Variants in SGIP1 observed in about 807,000 individuals in gnomAD.
SGIP1 encodes SH3GL interacting endocytic adaptor 1.
Under a neutral mutation model 107.5 loss-of-function variants are expected in SGIP1, and 38 were observed. The observed-to-expected ratio is 0.35, with a 90% CI of 0.27 to 0.46. The LOEUF is 0.46. Ranked by LOEUF, SGIP1 falls within the 20% of genes least tolerant of loss-of-function variation. SGIP1 has a pLI of 1.00. For synonymous variants in SGIP1, 365 were observed against 366.1 expected, an observed-to-expected ratio of 1.00 and a Z score of 0.03; for missense variants, 929 against 1,019.5, an observed-to-expected ratio of 0.91 and a Z score of 1.21.
At chr1:66,619,688 C>G (rs990955147) in intron 1 of SGIP1, among the ~76,000 whole-genome samples, 2 of 152,216 alleles carry the variant, frequency 1.3e-5, no homozygotes, top group Admixed American at 1.3e-4. Context: ...TGGCAGGACT[C>G]TCCACTTACA....
chr1:66,695,218 C>G (rs2090639728), intron 17 of SGIP1: 2 of 900,266 alleles, frequency 2.2e-6, no homozygotes, highest in African/African-American at 3.9e-5. Context: ...TTCCTTTAGG[C>G]CTCCATAGCT....
chr1:66,730,989 A>C (rs2093984253), intron 20 of SGIP1, among the ~76,000 whole-genome samples: 1 of 152,200 alleles, frequency 6.6e-6, no homozygotes, highest in African/African-American at 2.4e-5. Flanking sequence ...GCTTGGTGCA[A>C]AAGTAATTGC....
At chr1:66,643,838 T>TG in intron 7 of SGIP1, 119 bp downstream of exon 7, 4 of 837,962 alleles carry the variant, frequency 4.8e-6, no homozygotes, top group Non-Finnish European at 6.8e-6. Context: ...GGTCACCATA[T>TG]CATGAATTCT....
chr1:66,667,844 A>G (rs2082913740), intron 9 of SGIP1, among the ~76,000 whole-genome samples: 1 of 152,130 alleles, frequency 6.6e-6, no homozygotes, highest in Non-Finnish European at 1.5e-5. Context: ...TGTATATAAA[A>G]GGCCTAGAGA....
At chr1:66,538,564 C>T (rs981427530) in intron 1 of SGIP1, among the ~76,000 whole-genome samples, 3 of 152,154 alleles carry the variant, frequency 2.0e-5, no homozygotes, top group Non-Finnish European at 4.4e-5. Flanking sequence ...GGATGTAGCA[C>T]ATACACTATC....
rs1244698184 is a variant in SGIP1 at position 66,745,813 on chromosome 1, CA to C, written c.*2720del. On this transcript the variant is annotated 3_prime_UTR_variant, in exon 25 of 25. Transcript: ENST00000371037. ...ACATGGAAATTTTGTTTTTCTTTTC[CA>C]ATAAAATCCATATTTTCGTGAAATT... 1 of 151,822 alleles carries C rather than the reference CA, an allele frequency of 6.6e-6. No individual in the cohort carries two copies. The highest frequency in any genetic ancestry group is 1.5e-5 in the Non-Finnish European group (1 of 67,874). 9.4% of individuals were successfully genotyped at this position (151,822 alleles called of 1,614,324 possible).
intron 4 of SGIP1, among the ~76,000 whole-genome samples, chr1:66,638,444 G>T: frequency 6.6e-6 from 1 of 152,174 alleles, no homozygotes; most frequent in South Asian, 2.1e-4. Context: ...AAATGATGTA[G>T]TCTGCATACA....
intron 1 of SGIP1, among the ~76,000 whole-genome samples, chr1:66,558,804 A>T (rs2058543105): frequency 6.6e-6 from 1 of 151,322 alleles, no homozygotes; most frequent in Admixed American, 6.6e-5. Context: ...TTTAGGAAAA[A>T]AAAAAAACCT....
intron 9 of SGIP1, 74 bp downstream of exon 9, chr1:66,667,615 T>G: frequency 7.1e-7 from 1 of 1,402,500 alleles, no homozygotes; most frequent in Non-Finnish European, 1.0e-6. Flanking sequence ...GCCAGGTTGG[T>G]TTCCCATTAA....
Position 66,604,377 on chromosome 1 carries a change from C to G in SGIP1, c.11-21470C>G, listed in dbSNP as rs895831743. Among the ~76,000 whole-genome samples, 6 of 152,252 alleles carry G rather than the reference C, an allele frequency of 3.9e-5. No homozygotes were observed. The South Asian group carries it at 1.2e-3, about 32-fold the overall frequency. ...GCATTTCCATCATGGTCGTCTCAGA[C>G]AATGAGATTCCTCCACAGAGAAACA... On this transcript the variant is annotated intron_variant, in intron 1 of 24. Coordinates refer to ENST00000371037, the MANE Select transcript of SGIP1 (RefSeq NM_032291.4).
chr1:66,729,954 A>G (rs981237123), intron 20 of SGIP1, among the ~76,000 whole-genome samples: 6 of 151,932 alleles, frequency 3.9e-5, no homozygotes, highest in Non-Finnish European at 7.4e-5. Flanking sequence ...GGCGCCCACC[A>G]CCACACCTGG....
chr1:66,620,865 G>T (rs771968354), intron 1 of SGIP1, among the ~76,000 whole-genome samples: 1 of 152,210 alleles, frequency 6.6e-6, no homozygotes, highest in African/African-American at 2.4e-5. Flanking sequence ...CTAACAAACC[G>T]CCTTCACAGG....
At chr1:66,605,726 T>C (rs1237198052) in intron 1 of SGIP1, among the ~76,000 whole-genome samples, 2 of 152,050 alleles carry the variant, frequency 1.3e-5, no homozygotes, top group Non-Finnish European at 2.9e-5. Context: ...CAGAAGGACA[T>C]GTAGGTGAAG....
intron 1 of SGIP1, among the ~76,000 whole-genome samples, chr1:66,613,229 G>T (rs1048115000): frequency 2.0e-5 from 3 of 152,074 alleles, no homozygotes; most frequent in African/African-American, 7.2e-5. Flanking sequence ...ATTGCTGATA[G>T]GGAAAAAAAT....
intron 8 of SGIP1, 82 bp from the exon 9 acceptor site, chr1:66,667,448 G>T: frequency 7.6e-7 from 1 of 1,314,806 alleles, no homozygotes; most frequent in Non-Finnish European, 1.1e-6. Flanking sequence ...TGCTTATAAA[G>T]TCTTCTGTTA....
intron 1 of SGIP1, among the ~76,000 whole-genome samples, chr1:66,577,642 A>C (rs2061249125): frequency 1.3e-5 from 2 of 152,190 alleles, no homozygotes; most frequent in Non-Finnish European, 2.9e-5. Flanking sequence ...GCATGATTCC[A>C]GGGATTTGTT....
intron 2 of SGIP1, among the ~76,000 whole-genome samples, chr1:66,630,862 A>G (rs1004638417): frequency 4.6e-5 from 2 of 43,848 alleles, no homozygotes; most frequent in African/African-American, 2.5e-4. Context: ...AAAGAAAGAA[A>G]GAAAGAAAGA....
At chr1:66,560,446 T>C (rs1180375041) in intron 1 of SGIP1, among the ~76,000 whole-genome samples, 1 of 152,068 alleles carries the variant, frequency 6.6e-6, no homozygotes, top group Non-Finnish European at 1.5e-5. Flanking sequence ...GATTGATTTT[T>C]GCCAGCATTG....
intron 18 of SGIP1, chr1:66,704,394 GT>G (rs2092306729): frequency 6.6e-6 from 1 of 152,138 alleles, no homozygotes; most frequent in Admixed American, 6.6e-5. Context: ...AAGCTGACTT[GT>G]TGAGACTAAT....
Sources: allele counts gnomAD v4.1 joint callset (sites outside exome capture counted in the v4.1 genomes callset), GRCh38; gene constraint gnomAD v4.1.1; transcripts MANE v1.5; gene names NCBI Gene and HGNC (gene_info 2026-07-23, HGNC 2026-07-21).